The following PRICKLE2 variants were observed in gnomAD, a reference collection of about 807,000 sequenced individuals.
PRICKLE2 encodes prickle planar cell polarity protein 2, also known as prickle-like protein 2.
In PRICKLE2, 21 loss-of-function variants were observed where a neutral mutation model predicts 81.4. That is an observed-to-expected ratio of 0.26 (90% confidence interval 0.18 to 0.37). PRICKLE2 has a LOEUF of 0.37. PRICKLE2 is among the 10% of genes least tolerant of loss of function. The pLI is 1.00. For synonymous variants in PRICKLE2, 456 were observed against 421.5 expected (o/e 1.08, Z -1.00); for missense variants, 940 against 1,109.0 (o/e 0.85, Z 2.16).
rs1575529869 is a variant in PRICKLE2 at position 64,098,909 on chromosome 3, C to T, written c.*142G>A. ...GACTACCTATTGAGTCAACCTGTAA[C>T]CTTGCCTCCATCTACTGACAGCATT... On this transcript the variant is annotated 3_prime_UTR_variant, in exon 8 of 8. Transcript: ENST00000638394. The T allele has an allele frequency of 4.6e-6, 4 of 872,434 alleles. No homozygotes were observed. The East Asian group carries it at 1.0e-4, about 22-fold the overall frequency. 54.0% of individuals were successfully genotyped at this position (872,434 alleles called of 1,614,324 possible).
chr3:64,226,320 G>A (rs75294623), upstream of PRICKLE2, among the ~76,000 whole-genome samples: 208 of 152,222 alleles, frequency 1.4e-3, 1 homozygote, highest in East Asian at 0.011. Context: ...CCACTAGGCG[G>A]CCTAACCAAG....
intron 7 of PRICKLE2, among the ~76,000 whole-genome samples, chr3:64,109,341 T>C (rs998870854): frequency 6.6e-6 from 1 of 152,226 alleles, no homozygotes; most frequent in Non-Finnish European, 1.5e-5. Context: ...CTGTCTAATT[T>C]TCCTGGCAGG....
At chr3:64,146,624 T>G in intron 7 of PRICKLE2, 2 of 569,112 alleles carry the variant, frequency 3.5e-6, no homozygotes, top group Non-Finnish European at 6.2e-6. Context: ...GCACCTGTAG[T>G]CCCAACTACT....
At chr3:64,180,640 C>T (rs2078113693) in intron 2 of PRICKLE2, among the ~76,000 whole-genome samples, 1 of 152,080 alleles carries the variant, frequency 6.6e-6, no homozygotes, top group Admixed American at 6.5e-5. Flanking sequence ...CCAAGCAATT[C>T]TCCTGCCTCA....
chr3:64,161,026 T>C (rs985638977), intron 3 of PRICKLE2, among the ~76,000 whole-genome samples: 8 of 152,298 alleles, frequency 5.3e-5, no homozygotes, highest in African/African-American at 1.7e-4. Flanking sequence ...AACAGAACCA[T>C]GTTGTTAGAT....
chr3:64,105,368 C>A (rs1158880630), intron 7 of PRICKLE2, among the ~76,000 whole-genome samples: 1 of 152,206 alleles, frequency 6.6e-6, no homozygotes, highest in Non-Finnish European at 1.5e-5. Flanking sequence ...CCCTACTCTT[C>A]ACTGTATTCT....
chr3:64,200,286 T>C (rs539234707), intron 1 of PRICKLE2: 6 of 152,382 alleles, frequency 3.9e-5, no homozygotes, highest in Admixed American at 2.0e-4. Context: ...ATCCAAGTTA[T>C]AGCATGTATC....
intron 7 of PRICKLE2, among the ~76,000 whole-genome samples, chr3:64,108,008 G>A (rs996077761): frequency 1.8e-4 from 28 of 152,090 alleles, no homozygotes; most frequent in African/African-American, 6.5e-4. Flanking sequence ...TTAGAACAGC[G>A]GTTTGCAAAC....
chr3:64,119,227 G>A (rs1376680279), intron 7 of PRICKLE2, among the ~76,000 whole-genome samples: 1 of 152,166 alleles, frequency 6.6e-6, no homozygotes, highest in Non-Finnish European at 1.5e-5. Flanking sequence ...TTGGAGGGTG[G>A]AGGGTAGAAG....
intron 2 of PRICKLE2, among the ~76,000 whole-genome samples, chr3:64,170,874 CA>C (rs894754256): frequency 1.3e-5 from 2 of 151,646 alleles, no homozygotes; most frequent in Non-Finnish European, 2.9e-5. Flanking sequence ...GATTCTATCT[CA>C]AAAAAACAAA....
At chr3:64,198,681 G>A (rs1406516744) in intron 2 of PRICKLE2, 103 bp downstream of exon 2, 1 of 1,302,452 alleles carries the variant, frequency 7.7e-7, no homozygotes, top group Non-Finnish European at 1.1e-6. Context: ...CCACTTCTCT[G>A]AATCAGCAAA....
intron 1 of PRICKLE2, among the ~76,000 whole-genome samples, chr3:64,217,494 C>A (rs560271142): frequency 6.6e-6 from 1 of 152,296 alleles, no homozygotes; most frequent in Admixed American, 6.5e-5. Flanking sequence ...GCAGAACATT[C>A]ACATTCGTAA....
At chr3:64,143,678 C>A (rs926360442) in intron 7 of PRICKLE2, among the ~76,000 whole-genome samples, 1 of 152,182 alleles carries the variant, frequency 6.6e-6, no homozygotes, top group Admixed American at 6.5e-5. Flanking sequence ...CTGGGCCCCA[C>A]CTCTGTAGAG....
At chr3:64,263,633 T>C (rs901681015) in intron 2 of PRICKLE2, among the ~76,000 whole-genome samples, 1 of 151,312 alleles carries the variant, frequency 6.6e-6, no homozygotes, top group Admixed American at 6.6e-5. Context: ...TCTGGGGCTG[T>C]GTAGGGTGAG....
chr3:64,262,395 T>G, intron 2 of PRICKLE2, among the ~76,000 whole-genome samples: 1 of 152,028 alleles, frequency 6.6e-6, no homozygotes, highest in East Asian at 1.9e-4. Flanking sequence ...AAGTTAGCGC[T>G]ATGTTTTGAC....
intron 7 of PRICKLE2, among the ~76,000 whole-genome samples, chr3:64,138,282 T>A (rs1023673800): frequency 3.3e-5 from 5 of 152,236 alleles, no homozygotes; most frequent in African/African-American, 1.2e-4. Flanking sequence ...GGATGGGACA[T>A]GACTCAGGTC....
At position 64,155,963 on chromosome 3, in the gene PRICKLE2, G is replaced by T. The variant is rs531363557; in HGVS notation, c.600+1199C>A. Among the ~76,000 whole-genome samples the T allele has an allele frequency of 6.6e-5, 10 of 152,286 alleles. No individual in the cohort carries two copies. In the East Asian group the frequency reaches 1.9e-3, roughly 29 times the overall value. On this transcript the variant is annotated intron_variant, in intron 5 of 7. Coordinates refer to ENST00000638394, the MANE Select transcript of PRICKLE2 (RefSeq NM_198859.4). ...AGCAGTGATGGTTGCACAGCTTTGT[G>T]AATATACTAAAATCCACTGAATTAT...
At chr3:64,191,694 A>G (rs1319890506) in intron 2 of PRICKLE2, among the ~76,000 whole-genome samples, 1 of 152,198 alleles carries the variant, frequency 6.6e-6, no homozygotes, top group Non-Finnish European at 1.5e-5. Flanking sequence ...TTCCATCATC[A>G]TTGTCATCTT....
At chr3:64,197,764 T>C (rs2078484427) in intron 2 of PRICKLE2, among the ~76,000 whole-genome samples, 1 of 152,158 alleles carries the variant, frequency 6.6e-6, no homozygotes, top group East Asian at 1.9e-4. Context: ...GCTTAATATC[T>C]GGGTGATGAA....
Sources: allele counts gnomAD v4.1 joint callset (sites outside exome capture counted in the v4.1 genomes callset), GRCh38; gene constraint gnomAD v4.1.1; transcripts MANE v1.5; gene names NCBI Gene and HGNC (gene_info 2026-07-23, HGNC 2026-07-21).